Variants in ARX observed in about 807,000 individuals in gnomAD.
The protein encoded by ARX is aristaless related homeobox.
ARX carries 1 observed loss-of-function variant against 23.1 expected under a neutral mutation model. That is an observed-to-expected ratio of 0.04 (90% CI 0.02 to 0.21). The LOEUF is 0.21. Ranked by LOEUF, ARX falls within the 10% of genes least tolerant of loss-of-function variation. The pLI is 1.00. For missense variants in ARX, 380 were observed against 527.5 expected (o/e 0.72, Z 2.74); for synonymous variants, 301 against 270.1 (o/e 1.11, Z -1.12).
In ARX at chrX:25,015,868, C is replaced by T. The variant is rs1055692731; in HGVS notation, c.-131G>A. 1.7e-5 allele frequency: 13 copies of T among 759,062 alleles called. No homozygotes were observed. Among genetic ancestry groups the T allele is most frequent in the South Asian group, 1.0e-4 (4 of 39,206 alleles). The allele number at this position is 759,062 out of a possible 1,213,427, so 62.6% of individuals were successfully genotyped here. Reference sequence around the variant, plus strand: ...AACGGATATTATTGCGATCTTTGTGCCTTTCTGCCTCCCTTGGTTGCCGGC... The same window carrying T: ...AACGGATATTATTGCGATCTTTGTGTCTTTCTGCCTCCCTTGGTTGCCGGC... On this transcript the variant is annotated 5_prime_UTR_variant, in exon 1 of 5. Transcript: ENST00000379044.
chrX:25,015,215 C>T (rs2048721640), intron 1 of ARX, among the ~76,000 whole-genome samples: 1 of 111,935 alleles, frequency 8.9e-6, no homozygotes, highest in Non-Finnish European at 1.9e-5. Context: ...CAAGGGTCCA[C>T]CGGCCATCTA....
At chrX:25,006,721 T>C (rs2048679786) in intron 4 of ARX, 1 of 122,889 alleles carries the variant, frequency 8.1e-6, no homozygotes, top group Admixed American at 9.0e-5. Flanking sequence ...GCTGCCAGGT[T>C]GGGGGGCATA....
In ARX at chrX:25,015,700, C is replaced by T; in HGVS notation, c.38G>A (p.Arg13Lys). ...TGGAGATTTACTTTTGCACTCGGGC[C>T]TCTCGGAGCAGCCCTCCTCCTGGTA... is the stretch of plus-strand genomic sequence containing the variant. The part of the protein sequence containing the change: ...NQYQEEGCSE[R>K]PECKSKSPTL... Residue 13 changes from arginine (R) to lysine (K), a missense_variant, in exon 1 of 5, where the codon AGG becomes AAG. Physicochemically the swap from Arg to Lys is conservative, Grantham distance 26 (BLOSUM62 2). This residue lies in a region of ARX where 235 missense variants were observed against 270.2 expected (regional missense o/e 0.87). Transcript: ENST00000379044. 1 of 1,204,253 alleles carries T rather than the reference C, an allele frequency of 8.3e-7. No individual in the cohort carries two copies. The highest frequency in any genetic ancestry group is 2.3e-4 in the Middle Eastern group (1 of 4,343).
Position 25,007,257 on chromosome X carries a change from G to A in ARX, c.1302C>T (p.Ala434=), listed in dbSNP as rs771564274. The change falls in exon 4 of 5, where the codon GCC becomes GCT. Residue 434 remains alanine, a synonymous_variant. Transcript: ENST00000379044. The part of the protein sequence containing the change: ...PALDSAWTAA[A]AAAAAAFPSL... ...TCGGGAAGGCGGCGGCGGCGGCGGCGGCAGCGGCAGTCCAAGCGGAGTCGA... is the reference window on the plus strand; with the variant it reads ...TCGGGAAGGCGGCGGCGGCGGCGGCAGCAGCGGCAGTCCAAGCGGAGTCGA... The A allele has an allele frequency of 2.7e-6, 3 of 1,114,837 alleles. No individual in the cohort carries two copies. The highest frequency in any genetic ancestry group is 3.5e-5 in the East Asian group (1 of 28,679). The allele number at this position is 1,114,837 out of a possible 1,213,427, so 91.9% of individuals were successfully genotyped here.
At position 25,004,689 on chromosome X, in the gene ARX, G is replaced by C. The variant is rs1386535007; in HGVS notation, c.1670C>G (p.Thr557Arg). ...CAGCCTTTAGCACACCTCCTTGCCC[G>C]TGCTGGTGCCCGGCAGGATGTTGAG... Reference protein sequence around the residue: ...TQLNILPGTSTGKEVC With the variant: ...TQLNILPGTSRGKEVC Residue 557 changes from threonine (T) to arginine (R), a missense_variant, in exon 5 of 5, where the codon ACG (threonine) becomes AGG (arginine). By Grantham distance (71) the Thr-to-Arg change is moderately conservative. Transcript: ENST00000379044. 3 of 1,164,286 alleles carry C rather than the reference G, an allele frequency of 2.6e-6. No homozygotes were observed. The South Asian group carries it at 5.7e-5, about 22-fold the overall frequency.
chrX:25,012,514 C>A (rs976168306), intron 2 of ARX, among the ~76,000 whole-genome samples: 1 of 112,943 alleles, frequency 8.9e-6, no homozygotes, highest in African/African-American at 3.2e-5. Context: ...GCGGACAGCG[C>A]TTCCTGAGCC....
At chrX:25,005,797 T>C (rs891033369) in intron 4 of ARX, among the ~76,000 whole-genome samples, 1 of 112,469 alleles carries the variant, frequency 8.9e-6, no homozygotes, top group Non-Finnish European at 1.9e-5. Flanking sequence ...TTCCACCCCA[T>C]GCACACAGCA....
rs761784870 is a variant in ARX at position 25,013,130 on chromosome X, G to A, written c.865C>T (p.Leu289=). Residue 289 remains leucine (L), a synonymous_variant, in exon 2 of 5, where the codon CTG becomes TTG. Transcript: ENST00000379044. ...AGCAGCAGCTCCTCCTTGGGTGACAGCTCCCCGCCCTCTGTGGCCACTGCA... is the reference window on the plus strand; with the variant it reads ...AGCAGCAGCTCCTCCTTGGGTGACAACTCCCCGCCCTCTGTGGCCACTGCA... ...AAAVATEGGE[L]SPKEELLLHP... is the part of the protein sequence containing the mutation. 9 of 1,202,017 alleles carry A rather than the reference G, an allele frequency of 7.5e-6. No homozygotes were observed. Among genetic ancestry groups the A allele is most frequent in the Admixed American group, 2.2e-5 (1 of 45,438 alleles).
intron 1 of ARX, among the ~76,000 whole-genome samples, chrX:25,015,297 G>C (rs1432054962): frequency 1.9e-5 from 2 of 106,969 alleles, no homozygotes; most frequent in Non-Finnish European, 3.9e-5. Flanking sequence ...ACAACCTAAC[G>C]ATCAACACCG....
intron 4 of ARX, 32 bp downstream of exon 4, chrX:25,007,079 C>G (rs748690930): frequency 1.1e-5 from 13 of 1,170,889 alleles, no homozygotes; most frequent in Non-Finnish European, 1.5e-5. Flanking sequence ...GAGAGACAGA[C>G]AGACAGACAG....
intron 4 of ARX, among the ~76,000 whole-genome samples, chrX:25,006,259 GTTTA>G (rs964181020): frequency 8.9e-6 from 1 of 112,581 alleles, no homozygotes. Context: ...TGCGCTCGCT[GTTTA>G]TTTTATTGGT....
Position 25,007,326 on chromosome X carries a change from G to A in ARX, c.1233C>T (p.Ser411=), listed in dbSNP as rs1275814443. 2.4e-5 allele frequency: 27 copies of A among 1,139,921 alleles called. No individual in the cohort carries two copies. The highest frequency in any genetic ancestry group is 3.1e-5 in the Non-Finnish European group (27 of 865,518). The allele number at this position is 1,139,921 out of a possible 1,213,427, so 93.9% of individuals were successfully genotyped here. Residue 411 remains serine (S), a synonymous_variant, in exon 4 of 5, where the codon AGC becomes AGT. Transcript: ENST00000379044. The part of the protein sequence containing the change: ...PGPLSATHPL[S]PYLDASPFPP... Reference sequence around the variant, plus strand: ...GGAAGGGGCTGGCGTCCAGGTAGGGGCTGAGCGGGTGGGTGGCGGAGAGCG... The same window carrying A: ...GGAAGGGGCTGGCGTCCAGGTAGGGACTGAGCGGGTGGGTGGCGGAGAGCG...
chrX:25,012,946 G>A lies in ARX; in HGVS notation c.1049C>T (p.Thr350Met). The change falls in exon 2 of 5, where the codon ACG becomes ATG. Residue 350 changes from threonine (T) to methionine (M), a missense_variant. By Grantham distance (81) the Thr-to-Met change is moderately conservative. Transcript: ENST00000379044. ...CCTGGTGAAGACGTCCGGGTAGTGCGTCTTCTGGAAGGCCCGCTCCAGTTC... is the reference window on the plus strand; with the variant it reads ...CCTGGTGAAGACGTCCGGGTAGTGCATCTTCTGGAAGGCCCGCTCCAGTTC... ...LEELERAFQKTHYPDVFTREE... is the reference protein window; with the variant it reads ...LEELERAFQKMHYPDVFTREE... 8.3e-7 allele frequency: 1 copy of A among 1,206,594 alleles called. No homozygotes were observed. The highest frequency in any genetic ancestry group is 1.1e-6 in the Non-Finnish European group (1 of 893,392).
At position 25,004,145 on chromosome X, in the gene ARX, C is replaced by T. The variant is rs1234060227; in HGVS notation, c.*525G>A. The T allele has an allele frequency of 8.6e-6, 1 of 116,091 alleles. No individual in the cohort carries two copies. The highest frequency in any genetic ancestry group is 3.3e-5 in the African/African-American group (1 of 30,068). The allele number at this position is 116,091 out of a possible 1,213,427, so 9.6% of individuals were successfully genotyped here. A position where few individuals can be genotyped will look rare whatever the true frequency, so the allele number is the denominator to read the frequency against. On this transcript the variant is annotated 3_prime_UTR_variant, in exon 5 of 5. Transcript: ENST00000379044. ...AAGAAGAGAACAAGAACAAGACGCC[C>T]CTTTCCTTTAAGTGCACTGTTAGCT...
At chrX:25,012,226 A>G (rs1302589640) in intron 2 of ARX, among the ~76,000 whole-genome samples, 1 of 112,831 alleles carries the variant, frequency 8.9e-6, no homozygotes, top group East Asian at 2.8e-4. Flanking sequence ...TGGGTTTAAT[A>G]TGTGTGTCGG....
At chrX:25,005,687 G>C (rs936765433) in intron 4 of ARX, among the ~76,000 whole-genome samples, 3 of 112,577 alleles carry the variant, frequency 2.7e-5, no homozygotes, top group African/African-American at 9.7e-5. Context: ...GGGAGCCCCC[G>C]ACCCACGACC....
At chrX:25,005,902 T>G (rs918106207) in intron 4 of ARX, 2 of 111,598 alleles carry the variant, frequency 1.8e-5, no homozygotes, top group African/African-American at 3.3e-5. Context: ...CCCGACCGCC[T>G]CCCTGAGGGG....
Position 25,015,878 on chromosome X carries a change from T to A in ARX, c.-141A>T. On this transcript the variant is annotated 5_prime_UTR_variant, in exon 1 of 5. Coordinates refer to ENST00000379044, the MANE Select transcript of ARX (RefSeq NM_139058.3). ...ATTGCGATCTTTGTGCCTTTCTGCC[T>A]CCCTTGGTTGCCGGCTGCCGGCTCC... The A allele has an allele frequency of 1.4e-6, 1 of 724,496 alleles. No individual in the cohort carries two copies. Among genetic ancestry groups the A allele is most frequent in the Non-Finnish European group, 2.1e-6 (1 of 484,966 alleles). 59.7% of individuals were successfully genotyped at this position (724,496 alleles called of 1,213,427 possible).
At position 25,004,560 on chromosome X, in the gene ARX, C is replaced by G. The variant is rs1472769353; in HGVS notation, c.*110G>C. 8.0e-6 allele frequency: 9 copies of G among 1,126,582 alleles called. No individual in the cohort carries two copies. The highest frequency in any genetic ancestry group is 1.1e-5 in the Non-Finnish European group (9 of 848,035). The allele number at this position is 1,126,582 out of a possible 1,213,427, so 92.8% of individuals were successfully genotyped here. A position where few individuals can be genotyped will look rare whatever the true frequency, so the allele number is the denominator to read the frequency against. ...TGCTGTGAAGGCGGCTGCGCTCTCT[C>G]AGTGCCGTCTCGGGAGTGTGCTGGT... On this transcript the variant is annotated 3_prime_UTR_variant, in exon 5 of 5. Coordinates refer to ENST00000379044, the MANE Select transcript of ARX (RefSeq NM_139058.3).
Sources: gnomAD v4.1 joint callset for allele counts (sites outside exome capture counted in the v4.1 genomes callset) on GRCh38, gnomAD v4.1.1 for gene constraint, gnomAD v4.1.1 regional missense constraint, MANE v1.5 for transcripts, NCBI Gene and HGNC (gene_info 2026-07-23, HGNC 2026-07-21) for gene names.